Variants in PCDHGB2 observed in about 807,000 individuals in gnomAD.
PCDHGB2 encodes protocadherin gamma-B2.
A neutral mutation model predicts 59.3 loss-of-function variants in PCDHGB2; 55 were observed. The observed-to-expected ratio is 0.93, with a 90% confidence interval of 0.75 to 1.16. PCDHGB2 has a LOEUF of 1.16. Among genes scored for constraint, PCDHGB2 ranks in the 50% most tolerant of loss-of-function variants. The pLI is 0.00. For missense variants in PCDHGB2, 1,228 were observed against 1,198.5 expected (o/e 1.02, Z -0.36); for synonymous variants, 516 against 512.0 (o/e 1.01, Z -0.11).
At chr5:141,495,240 C>T (rs2099759761) in intron 2 of PCDHGB2, among the ~76,000 whole-genome samples, 1 of 152,182 alleles carries the variant, frequency 6.6e-6, no homozygotes, top group South Asian at 2.1e-4. Context: ...TCCATTATGA[C>T]CTGGGGCTCA....
At chr5:141,483,694 C>T (rs915328297) in intron 1 of PCDHGB2, among the ~76,000 whole-genome samples, 3 of 151,952 alleles carry the variant, frequency 2.0e-5, no homozygotes, top group African/African-American at 4.8e-5. Flanking sequence ...AGCCAGATTC[C>T]TCTTTTTGAC....
chr5:141,374,907 G>T (rs778308894), intron 1 of PCDHGB2: 1 of 1,613,828 alleles, frequency 6.2e-7, no homozygotes, highest in Non-Finnish European at 8.5e-7. Flanking sequence ...GGAGTCCACG[G>T]GGAAGTAACT....
intron 1 of PCDHGB2, among the ~76,000 whole-genome samples, chr5:141,465,048 AT>A (rs905091014): frequency 4.0e-5 from 6 of 151,346 alleles, no homozygotes; most frequent in African/African-American, 9.7e-5. Context: ...GACCCTATAT[AT>A]TTTTTTGAAT....
At position 141,490,649 on chromosome 5, in the gene PCDHGB2, G is replaced by C. The variant is rs1428223995; in HGVS notation, c.2422-4158G>C. 1 of 1,614,148 alleles carries C rather than the reference G, an allele frequency of 6.2e-7. No homozygotes were observed. Among genetic ancestry groups the C allele is most frequent in the Admixed American group, 1.7e-5 (1 of 60,018 alleles). On this transcript the variant is annotated intron_variant, in intron 1 of 3. Coordinates refer to ENST00000522605, the MANE Select transcript of PCDHGB2 (RefSeq NM_018923.3). The surrounding 1 kb of genome is among the most constrained non-coding windows in gnomAD (Gnocchi z 5.4). ...TACATCCTAGAAAACCGGCCTCCGG[G>C]CTCCCTTCTTTGCACTGTGGCTGCC...
At position 141,510,842 on chromosome 5, in the gene PCDHGB2, G is replaced by A. The variant is rs531098325; in HGVS notation, c.2570-105G>A. 8.7e-5 allele frequency: 138 copies of A among 1,590,280 alleles called. No homozygotes were observed. The African/African-American group carries it at 1.7e-3, about 19-fold the overall frequency. ...TATTCCCAGTGCTCAGCGTGGTCAA[G>A]GCCCAGGGTGCTGTATAGGCATTCA... On this transcript the variant is annotated intron_variant, in intron 3 of 3. Coordinates refer to ENST00000522605, the MANE Select transcript of PCDHGB2 (RefSeq NM_018923.3).
chr5:141,391,875 T>C (rs2092433581), intron 1 of PCDHGB2: 2 of 152,212 alleles, frequency 1.3e-5, no homozygotes, highest in Non-Finnish European at 2.9e-5. Context: ...ATCATCTCTT[T>C]GGTGAAAGGG....
intron 1 of PCDHGB2, among the ~76,000 whole-genome samples, chr5:141,368,795 A>G (rs1765861379): frequency 6.6e-6 from 1 of 152,188 alleles, no homozygotes; most frequent in Non-Finnish European, 1.5e-5. Flanking sequence ...ATAATTTTTC[A>G]TACTAATTGA....
At chr5:141,437,011 T>C (rs2097858173) in intron 1 of PCDHGB2, among the ~76,000 whole-genome samples, 1 of 152,236 alleles carries the variant, frequency 6.6e-6, no homozygotes, top group Non-Finnish European at 1.5e-5. Flanking sequence ...GGATCTTAGA[T>C]AATTTCACCA....
intron 1 of PCDHGB2, among the ~76,000 whole-genome samples, chr5:141,462,027 TG>T (rs1239347302): frequency 6.6e-6 from 1 of 152,220 alleles, no homozygotes; most frequent in African/African-American, 2.4e-5. Flanking sequence ...TTCTTCATGT[TG>T]GTCAGGCGGG....
At chr5:141,374,551 G>C (rs1314667705) in intron 1 of PCDHGB2, 2 of 1,613,400 alleles carry the variant, frequency 1.2e-6, no homozygotes, top group African/African-American at 2.7e-5. Context: ...CACTAATGGA[G>C]GTCTATGACC....
intron 3 of PCDHGB2, among the ~76,000 whole-genome samples, chr5:141,508,528 C>T (rs2099869454): frequency 6.6e-6 from 1 of 152,186 alleles, no homozygotes; most frequent in Admixed American, 6.5e-5. Context: ...AACCTCAGGG[C>T]ACCCCCCACG....
intron 3 of PCDHGB2, among the ~76,000 whole-genome samples, chr5:141,506,300 T>G (rs2099852124): frequency 6.6e-6 from 1 of 151,976 alleles, no homozygotes; most frequent in East Asian, 1.9e-4. Flanking sequence ...AATACAAAAA[T>G]TAGCTGGGCA....
intron 1 of PCDHGB2, chr5:141,385,077 G>A (rs752305852): frequency 9.9e-6 from 16 of 1,614,096 alleles, no homozygotes; most frequent in Non-Finnish European, 1.4e-5. Flanking sequence ...GCCTGCTGCA[G>A]GCTTCAGAAG....
Position 141,365,232 on chromosome 5 carries a change from T to C in PCDHGB2, c.2421+2676T>C, listed in dbSNP as rs762059066. 20 of 1,613,878 alleles carry C rather than the reference T, an allele frequency of 1.2e-5. No individual in the cohort carries two copies. The South Asian group carries it at 2.2e-4, about 18-fold the overall frequency. On this transcript the variant is annotated intron_variant, in intron 1 of 3. Transcript: ENST00000522605. ...CAACTTGATTCCAACCTGGGGGAAA[T>C]CTCAACTCTACAATCACTGGACTAT...
intron 1 of PCDHGB2, chr5:141,383,043 C>G: frequency 9.3e-6 from 15 of 1,613,860 alleles, no homozygotes; most frequent in Non-Finnish European, 1.3e-5. Context: ...TGGGAGACAT[C>G]GCCAAGGACC....
At chr5:141,418,718 A>G (rs1334115906) in intron 1 of PCDHGB2, 4 of 1,613,912 alleles carry the variant, frequency 2.5e-6, no homozygotes, top group Non-Finnish European at 3.4e-6. Flanking sequence ...TGTGGCTGAC[A>G]AAGCTCAGCA....
At chr5:141,396,682 C>T (rs1387269894) in intron 1 of PCDHGB2, 1 of 151,688 alleles carries the variant, frequency 6.6e-6, no homozygotes, top group Non-Finnish European at 1.5e-5. Context: ...TATTGTATTC[C>T]TGCATACCTT....
chr5:141,486,163 G>A lies in PCDHGB2; in HGVS notation c.2422-8644G>A. 2.5e-6 allele frequency: 4 copies of A among 1,614,212 alleles called. No individual in the cohort carries two copies. Among genetic ancestry groups the A allele is most frequent in the Non-Finnish European group, 3.4e-6 (4 of 1,180,034 alleles). The stretch of plus-strand genomic sequence containing the variant: ...CTCGCGATGGGGGTTCTCCAGCCAT[G>A]GAGCAACATTGCAGCCTTCGAGTGG... On this transcript the variant is annotated intron_variant, in intron 1 of 3. Transcript: ENST00000522605. This position sits in a 1 kb window ranked among gnomAD's most constrained non-coding sequence, Gnocchi z 5.0.
intron 1 of PCDHGB2, among the ~76,000 whole-genome samples, chr5:141,469,045 G>C (rs35157158): frequency 1.4e-3 from 207 of 152,234 alleles, no homozygotes; most frequent in Middle Eastern, 0.01. Flanking sequence ...GGGAGGCCAA[G>C]GTGGGAGGAT....
Sources: allele counts gnomAD v4.1 joint callset (sites outside exome capture counted in the v4.1 genomes callset), GRCh38; gene constraint gnomAD v4.1.1; non-coding constraint Gnocchi (gnomAD v3.1); transcripts MANE v1.5; gene names NCBI Gene and HGNC (gene_info 2026-07-23, HGNC 2026-07-21).